ZNF804B: variants seen among roughly 807,000 people sequenced by gnomAD.
ZNF804B encodes the protein zinc finger protein 804B, also known as zinc finger 804B.
In ZNF804B, 80 loss-of-function variants were observed where a neutral mutation model predicts 101.4. The observed-to-expected ratio is 0.79, with a 90% CI of 0.66 to 0.95. The LOEUF is 0.95. Ranked by LOEUF, ZNF804B falls within the 40% of genes least tolerant of loss-of-function variation. The probability of loss-of-function intolerance (pLI) is 0.00; values close to 1 mark genes in which losing one functional copy is unlikely to be tolerated. For missense variants in ZNF804B, 1,673 were observed against 1,561.9 expected, an observed-to-expected ratio of 1.07 and a Z score of -1.20; for synonymous variants, 622 against 558.8, an observed-to-expected ratio of 1.11 and a Z score of -1.59.
chr7:89,271,210 A>C (rs527581516), intron 2 of ZNF804B, among the ~76,000 whole-genome samples: 1 of 152,264 alleles, frequency 6.6e-6, no homozygotes, highest in Non-Finnish European at 1.5e-5. Flanking sequence ...GGTTTGTCAT[A>C]AATAGCTCTT....
intron 1 of ZNF804B, among the ~76,000 whole-genome samples, chr7:89,007,444 TTTTA>T (rs1366131512): frequency 0.02 from 951 of 47,684 alleles, 22 homozygotes; most frequent in South Asian, 0.033. Flanking sequence ...TTATCCATGA[TTTTA>T]TATATATATA....
At chr7:89,285,522 CAAAAAAAAAAAAA>C (rs778078214) in intron 2 of ZNF804B, among the ~76,000 whole-genome samples, 2 of 22,394 alleles carry the variant, frequency 8.9e-5, no homozygotes, top group Admixed American at 1.6e-3. Flanking sequence ...GACTCTGTCT[CAAAAAAAAAAAAA>C]AAAAAAAAAA....
At chr7:89,272,702 G>T (rs1789916576) in intron 2 of ZNF804B, among the ~76,000 whole-genome samples, 1 of 152,014 alleles carries the variant, frequency 6.6e-6, no homozygotes, top group African/African-American at 2.4e-5. Context: ...GAGAGTTGGA[G>T]AAGGGAAAAA....
intron 2 of ZNF804B, among the ~76,000 whole-genome samples, chr7:89,220,628 G>A (rs903658662): frequency 6.6e-6 from 1 of 151,738 alleles, no homozygotes. Context: ...CAAGATATAT[G>A]GTCATGCTTT....
In ZNF804B at chr7:89,334,841, A is replaced by T; in HGVS notation, c.1859A>T (p.Asp620Val). ...GGCTGCAGAAAGGCAGTTCTAAATG[A>T]TATAGATGAGGACCTATCTTTTCCT... ...WQGCRKAVLN[D>V]IDEDLSFPSY... Residue 620 changes from aspartate (D) to valine (V), a missense_variant, in exon 4 of 4, where the codon GAT (aspartate) becomes GTT (valine). Physicochemically the swap from Asp to Val is radical, Grantham distance 152. Transcript: ENST00000333190. 1 of 1,613,882 alleles carries T rather than the reference A, an allele frequency of 6.2e-7. No homozygotes were observed.
At chr7:89,051,469 C>G (rs1213590466) in intron 1 of ZNF804B, among the ~76,000 whole-genome samples, 1 of 152,062 alleles carries the variant, frequency 6.6e-6, no homozygotes, top group Non-Finnish European at 1.5e-5. Context: ...TTTTATTGTT[C>G]CTGTTCATTT....
chr7:89,191,031 A>G (rs1315935640), intron 1 of ZNF804B, among the ~76,000 whole-genome samples: 5 of 152,134 alleles, frequency 3.3e-5, no homozygotes, highest in Admixed American at 6.6e-5. Context: ...GTGATCTGCA[A>G]CTGAACCAAT....
At chr7:89,032,453 GTC>G (rs1298149216) in intron 1 of ZNF804B, among the ~76,000 whole-genome samples, 3 of 151,970 alleles carry the variant, frequency 2.0e-5, no homozygotes, top group Non-Finnish European at 4.4e-5. Flanking sequence ...AGATTAATGA[GTC>G]TTTAATTTTA....
At chr7:89,320,176 A>G (rs995540593) in intron 2 of ZNF804B, among the ~76,000 whole-genome samples, 3 of 152,076 alleles carry the variant, frequency 2.0e-5, no homozygotes, top group Non-Finnish European at 4.4e-5. Context: ...CTGCACATGT[A>G]CCCCAGAACT....
In ZNF804B at chr7:89,126,087, C is replaced by T. The variant is rs572279155; in HGVS notation, c.109-92068C>T. Among the ~76,000 whole-genome samples, 9 of 151,782 alleles carry T rather than the reference C, an allele frequency of 5.9e-5. No individual in the cohort carries two copies. In the South Asian group the frequency reaches 1.9e-3, roughly 32 times the overall value. On this transcript the variant is annotated intron_variant, in intron 1 of 3. Coordinates refer to ENST00000333190, the MANE Select transcript of ZNF804B (RefSeq NM_181646.5). ...GATTTGAGTTTCTGGCAAAAAATGA[C>T]TTGACTAACATATTGGTATTCTGGT...
At chr7:89,304,522 T>C (rs2115929089) in intron 2 of ZNF804B, among the ~76,000 whole-genome samples, 1 of 141,920 alleles carries the variant, frequency 7.0e-6, no homozygotes, top group Middle Eastern at 3.5e-3. Flanking sequence ...TGTGGGTATG[T>C]GTGTGTATGT....
chr7:88,826,496 G>A (rs1339558521), intron 1 of ZNF804B, among the ~76,000 whole-genome samples: 2 of 152,058 alleles, frequency 1.3e-5, no homozygotes, highest in South Asian at 2.1e-4. Flanking sequence ...AGGCACAATC[G>A]AAAACCTAAT....
intron 2 of ZNF804B, among the ~76,000 whole-genome samples, chr7:89,327,000 C>A (rs980877477): frequency 1.4e-5 from 2 of 145,780 alleles, no homozygotes; most frequent in African/African-American, 5.6e-5. Context: ...CATCTCATAA[C>A]CTGCCTCCCT....
intron 2 of ZNF804B, among the ~76,000 whole-genome samples, chr7:89,296,580 G>A (rs1790387488): frequency 6.6e-6 from 1 of 151,974 alleles, no homozygotes; most frequent in Non-Finnish European, 1.5e-5. Context: ...TCCTTTCAGA[G>A]CTCATTTTCC....
intron 2 of ZNF804B, among the ~76,000 whole-genome samples, chr7:89,283,635 T>A (rs982397053): frequency 1.3e-5 from 2 of 152,180 alleles, no homozygotes; most frequent in African/African-American, 4.8e-5. Flanking sequence ...TAAATCAGAG[T>A]GTTGTGTCAT....
chr7:89,055,631 C>CA (rs1789279640), intron 1 of ZNF804B, among the ~76,000 whole-genome samples: 1 of 152,038 alleles, frequency 6.6e-6, no homozygotes. Flanking sequence ...AAAGACTGCC[C>CA]ACCCGCTTCC....
intron 2 of ZNF804B, among the ~76,000 whole-genome samples, chr7:89,288,708 A>C (rs1346720396): frequency 2.6e-5 from 4 of 152,322 alleles, no homozygotes; most frequent in South Asian, 2.1e-4. Context: ...ATAAGACTGA[A>C]GGGATTTTCG....
intron 2 of ZNF804B, among the ~76,000 whole-genome samples, chr7:89,230,162 G>A (rs1391296915): frequency 6.6e-6 from 1 of 151,818 alleles, no homozygotes; most frequent in East Asian, 1.9e-4. Context: ...AAACAGAAGA[G>A]ATAAAAATTA....
At chr7:89,092,740 T>C (rs1789913362) in intron 1 of ZNF804B, among the ~76,000 whole-genome samples, 1 of 152,202 alleles carries the variant, frequency 6.6e-6, no homozygotes, top group African/African-American at 2.4e-5. Flanking sequence ...TGCAATTGTC[T>C]CCTCAGCTCC....
Sources: gnomAD v4.1 joint callset for allele counts (sites outside exome capture counted in the v4.1 genomes callset) on GRCh38, gnomAD v4.1.1 for gene constraint, MANE v1.5 for transcripts, NCBI Gene and HGNC (gene_info 2026-07-23, HGNC 2026-07-21) for gene names.